The following ING2 variants were observed in gnomAD, a reference collection of about 807,000 sequenced individuals.
The protein encoded by ING2 is inhibitor of growth protein 2.
A neutral mutation model predicts 30.6 loss-of-function variants in ING2; 7 were observed. The ratio of observed to expected loss-of-function variants is 0.23; its 90% CI spans 0.13 to 0.43. The LOEUF (loss-of-function observed/expected upper bound fraction) is 0.43, where lower values mean the gene tolerates loss of function less well. Among genes scored for constraint, ING2 ranks in the 20% least tolerant of loss-of-function variants. The pLI, the probability that ING2 is intolerant of heterozygous loss-of-function variation, is 1.00. For synonymous variants in ING2, 136 were observed against 121.7 expected (o/e 1.12, Z -0.78); for missense variants, 239 against 334.9 (o/e 0.71, Z 2.24).
intron 1 of ING2, among the ~76,000 whole-genome samples, chr4:183,507,945 T>C (rs1734717773): frequency 6.6e-6 from 1 of 152,174 alleles, no homozygotes; most frequent in Admixed American, 6.5e-5. Flanking sequence ...ATTTTTATTC[T>C]AGTGTTCCCA....
Position 183,505,245 on chromosome 4 carries a change from C to G in ING2, c.50C>G (p.Thr17Ser). 6.3e-7 allele frequency: 1 copy of G among 1,598,256 alleles called. No homozygotes were observed. Among genetic ancestry groups the G allele is most frequent in the South Asian group, 1.1e-5 (1 of 88,828 alleles). The change falls in exon 1 of 2, where the codon ACC becomes AGC. Residue 17 changes from threonine to serine, a missense_variant. Physicochemically the swap from Thr to Ser is moderately conservative, Grantham distance 58. Transcript: ENST00000302327. ...CTGTACTCGTCGGCCGCGCTCCTGA[C>G]CGGGGAGCGGAGCCGGCTGCTCACC... The part of the protein sequence containing the change: ...QQLYSSAALL[T>S]GERSRLLTCY...
chr4:183,506,941 T>C (rs906160071), intron 1 of ING2, among the ~76,000 whole-genome samples: 1 of 152,242 alleles, frequency 6.6e-6, no homozygotes, highest in African/African-American at 2.4e-5. Context: ...GATGCATATC[T>C]TTGTTTTCAA....
intron 1 of ING2, among the ~76,000 whole-genome samples, chr4:183,507,613 G>A (rs1361921216): frequency 6.6e-6 from 1 of 152,182 alleles, no homozygotes; most frequent in Non-Finnish European, 1.5e-5. Context: ...TATGAAGTTT[G>A]TGATTAGTGA....
chr4:183,507,259 C>A (rs1283030009), intron 1 of ING2, among the ~76,000 whole-genome samples: 1 of 152,172 alleles, frequency 6.6e-6, no homozygotes, highest in African/African-American at 2.4e-5. Context: ...TGCCATCACG[C>A]CGGGCTAAGT....
chr4:183,507,097 C>G (rs1205577122), intron 1 of ING2, among the ~76,000 whole-genome samples: 1 of 152,054 alleles, frequency 6.6e-6, no homozygotes, highest in Non-Finnish European at 1.5e-5. Flanking sequence ...GTTTGTAAAG[C>G]TTGTAGTTTG....
In ING2 at chr4:183,511,502, C is replaced by T. The variant is rs1252552210; in HGVS notation, c.*550C>T. On this transcript the variant is annotated 3_prime_UTR_variant, in exon 2 of 2. Transcript: ENST00000302327. The stretch of plus-strand genomic sequence containing the variant: ...TTGGGATTCCATGTGGAATAATGTG[C>T]TCTTATGAGAGTACGTGCTGCTGTC... 2.0e-5 allele frequency among the ~76,000 whole-genome samples: 3 copies of T among 152,180 alleles called. No individual in the cohort carries two copies. The highest frequency in any genetic ancestry group is 4.4e-5 in the Non-Finnish European group (3 of 68,036).
chr4:183,507,367 C>T (rs1734676589), intron 1 of ING2, among the ~76,000 whole-genome samples: 1 of 152,236 alleles, frequency 6.6e-6, no homozygotes, highest in Non-Finnish European at 1.5e-5. Context: ...TCCGAAAGTG[C>T]TGGGATTACA....
At chr4:183,509,687 G>A (rs1211630702) in intron 1 of ING2, among the ~76,000 whole-genome samples, 8 of 149,840 alleles carry the variant, frequency 5.3e-5, no homozygotes, top group African/African-American at 2.0e-4. Context: ...CACCCGCCTC[G>A]GCCTCCCAAA....
intron 1 of ING2, chr4:183,506,329 G>C (rs922357546): frequency 3.1e-5 from 41 of 1,301,628 alleles, no homozygotes; most frequent in Admixed American, 1.1e-4. Flanking sequence ...GTAGGTTCCG[G>C]GACATGTGTC....
In ING2 at chr4:183,511,900, A is replaced by G. The variant is rs1020328166; in HGVS notation, c.*948A>G. 5.3e-5 allele frequency among the ~76,000 whole-genome samples: 8 copies of G among 152,266 alleles called. No homozygotes were observed. The highest frequency in any genetic ancestry group is 4.6e-4 in the Admixed American group (7 of 15,288). On this transcript the variant is annotated 3_prime_UTR_variant, in exon 2 of 2. Coordinates refer to ENST00000302327, the MANE Select transcript of ING2 (RefSeq NM_001564.4). ...ATGGTTTTGCTAGTGGTTATTGTTC[A>G]TTTCTGTCCCAATCAGTGACTATTT...
chr4:183,506,807 A>G (rs1734660485), intron 1 of ING2, among the ~76,000 whole-genome samples: 1 of 152,144 alleles, frequency 6.6e-6, no homozygotes, highest in African/African-American at 2.4e-5. Context: ...TGGGGAGGGA[A>G]TTAAAACTGA....
intron 1 of ING2, chr4:183,506,075 G>C (rs1176421587): frequency 8.6e-7 from 1 of 1,165,242 alleles, no homozygotes; most frequent in African/African-American, 1.7e-5. Context: ...CGGGCTTGAC[G>C]AGGGGCGTGG....
rs1310294259 is a variant in ING2 at position 183,510,977 on chromosome 4, G to A, written c.*25G>A. The A allele has an allele frequency of 6.6e-7, 1 of 1,525,588 alleles. No homozygotes were observed. Among genetic ancestry groups the A allele is most frequent in the South Asian group, 1.3e-5 (1 of 78,148 alleles). The allele number at this position is 1,525,588 out of a possible 1,614,324, so 94.5% of individuals were successfully genotyped here. A position where few individuals can be genotyped will look rare whatever the true frequency, so the allele number is the denominator to read the frequency against. ...GTAAAGGCCATCCACATTTTAAAGG[G>A]TTATTTGTCTTTTATATAATTCGTT... On this transcript the variant is annotated 3_prime_UTR_variant, in exon 2 of 2. Coordinates refer to ENST00000302327, the MANE Select transcript of ING2 (RefSeq NM_001564.4).
At chr4:183,506,095 G>C in intron 1 of ING2, 1 of 1,187,742 alleles carries the variant, frequency 8.4e-7, no homozygotes. Context: ...GGAGGGGCGC[G>C]GCGCGCGTTC....
chr4:183,507,798 A>G (rs1248244814), intron 1 of ING2, among the ~76,000 whole-genome samples: 2 of 152,194 alleles, frequency 1.3e-5, no homozygotes, highest in Non-Finnish European at 2.9e-5. Flanking sequence ...TATAAATTAT[A>G]TAGGCAGTCA....
chr4:183,506,303 C>T lies in ING2; in HGVS notation c.172+936C>T, dbSNP rs766136166. The T allele has an allele frequency of 5.4e-6, 7 of 1,304,192 alleles. No individual in the cohort carries two copies. The South Asian group carries it at 7.4e-5, about 14-fold the overall frequency. The allele number at this position is 1,304,192 out of a possible 1,614,324, so 80.8% of individuals were successfully genotyped here. ...CGGCGATCAGCAGCTCGGACCGTCG[C>T]GGATCCTGGCTCCGCGTAGGTTCCG... On this transcript the variant is annotated intron_variant, in intron 1 of 1. Coordinates refer to ENST00000302327, the MANE Select transcript of ING2 (RefSeq NM_001564.4).
rs1024685986 is a variant in ING2 at position 183,506,132 on chromosome 4, C to G, written c.172+765C>G. The G allele has an allele frequency of 3.2e-6, 4 of 1,236,234 alleles. No individual in the cohort carries two copies. The South Asian group carries it at 4.0e-5, about 12-fold the overall frequency. 76.6% of individuals were successfully genotyped at this position (1,236,234 alleles called of 1,614,324 possible). ...CGCGGGCCTGGAAAATGGCTGGTCG[C>G]GAGAGGGGCGGTGGCGAGCTGGCTG... On this transcript the variant is annotated intron_variant, in intron 1 of 1. Transcript: ENST00000302327.
At position 183,511,439 on chromosome 4, in the gene ING2, G is replaced by A. The variant is rs1734819255; in HGVS notation, c.*487G>A. 6.6e-6 allele frequency among the ~76,000 whole-genome samples: 1 copy of A among 152,160 alleles called. No individual in the cohort carries two copies. Among genetic ancestry groups the A allele is most frequent in the African/African-American group, 2.4e-5 (1 of 41,424 alleles). On this transcript the variant is annotated 3_prime_UTR_variant, in exon 2 of 2. Coordinates refer to ENST00000302327, the MANE Select transcript of ING2 (RefSeq NM_001564.4). ...TTATACGTTGGCTTGTTCATCTCTA[G>A]TCTTCTAGGAGTTTAAGGAACTGGA...
In ING2 at chr4:183,510,590, C is replaced by G; in HGVS notation, c.481C>G (p.Arg161Gly). The change falls in exon 2 of 2, where the codon CGT (arginine) becomes GGT (glycine). Residue 161 changes from arginine to glycine, a missense_variant. Physicochemically the swap from Arg to Gly is moderately radical, Grantham distance 125. Coordinates refer to ENST00000302327, the MANE Select transcript of ING2 (RefSeq NM_001564.4). Reference sequence around the variant, plus strand: ...CCGCAGGCAGCGGACCAGTGAAAGCCGTGATTTATGTCACATGGCAAATGG... The same window carrying G: ...CCGCAGGCAGCGGACCAGTGAAAGCGGTGATTTATGTCACATGGCAAATGG... ...RPRRQRTSES[R>G]DLCHMANGIE... 6.2e-7 allele frequency: 1 copy of G among 1,614,050 alleles called. No homozygotes were observed. Among genetic ancestry groups the G allele is most frequent in the Non-Finnish European group, 8.5e-7 (1 of 1,180,022 alleles).
Sources: gnomAD v4.1 joint callset for allele counts (sites outside exome capture counted in the v4.1 genomes callset) on GRCh38, gnomAD v4.1.1 for gene constraint, MANE v1.5 for transcripts, NCBI Gene and HGNC (gene_info 2026-07-23, HGNC 2026-07-21) for gene names.